EYA2: variants seen among roughly 807,000 people sequenced by gnomAD.
EYA2 encodes the protein EYA transcriptional coactivator and phosphatase 2, also known as protein phosphatase EYA2.
A neutral mutation model predicts 69.2 loss-of-function variants in EYA2; 31 were observed. The observed-to-expected ratio is 0.45, with a 90% CI of 0.34 to 0.60. EYA2 has a LOEUF of 0.60. Among genes scored for constraint, EYA2 ranks in the 20% least tolerant of loss-of-function variants. The pLI, the probability that EYA2 is intolerant of heterozygous loss-of-function variation, is 0.02. For synonymous variants in EYA2, 257 were observed against 279.4 expected, an observed-to-expected ratio of 0.92 and a Z score of 0.80; for missense variants, 622 against 701.2, an observed-to-expected ratio of 0.89 and a Z score of 1.28.
chr20:47,000,003 G>A (rs1057038307), intron 2 of EYA2, among the ~76,000 whole-genome samples: 1 of 152,208 alleles, frequency 6.6e-6, no homozygotes, highest in Non-Finnish European at 1.5e-5. Context: ...ATCGTCAGCT[G>A]TAGTGTCATG....
intron 9 of EYA2, among the ~76,000 whole-genome samples, chr20:47,105,624 C>CTAAA (rs2032553428): frequency 3.2e-4 from 42 of 131,118 alleles, no homozygotes; most frequent in Admixed American, 4.7e-4. Context: ...GACTCTGTCC[C>CTAAA]AAAAAAAAAA....
chr20:47,021,771 A>G (rs1317572630), intron 5 of EYA2, among the ~76,000 whole-genome samples: 1 of 152,100 alleles, frequency 6.6e-6, no homozygotes. Context: ...GAATCGTGCA[A>G]TTCAGGGATG....
intron 8 of EYA2, among the ~76,000 whole-genome samples, chr20:47,094,367 C>T (rs532963744): frequency 1.3e-5 from 2 of 152,318 alleles, no homozygotes; most frequent in African/African-American, 4.8e-5. Flanking sequence ...TTTACCATGA[C>T]CCGTAATAAG....
At chr20:47,027,766 G>A (rs779579165) in intron 5 of EYA2, among the ~76,000 whole-genome samples, 6 of 152,200 alleles carry the variant, frequency 3.9e-5, no homozygotes, top group Admixed American at 2.6e-4. Flanking sequence ...GCTGTGCAAC[G>A]TGATAGCCCC....
chr20:47,076,589 T>C lies in EYA2; in HGVS notation c.661+2254T>C, dbSNP rs138827803. On this transcript the variant is annotated intron_variant, in intron 7 of 15. Coordinates refer to ENST00000327619, the MANE Select transcript of EYA2 (RefSeq NM_005244.5). Reference sequence around the variant, plus strand: ...TTTGTTTCTGATGGCACAATAGTTTTAGGAAACCCTTTTGATTAGCCAAGA... The same window carrying C: ...TTTGTTTCTGATGGCACAATAGTTTCAGGAAACCCTTTTGATTAGCCAAGA... Among the ~76,000 whole-genome samples the C allele has an allele frequency of 2.7e-3, 412 of 152,360 alleles. 1 individual carries two copies. The highest frequency in any genetic ancestry group is 9.4e-3 in the African/African-American group (389 of 41,586).
At chr20:47,041,138 C>T (rs911240903) in intron 5 of EYA2, among the ~76,000 whole-genome samples, 2 of 152,298 alleles carry the variant, frequency 1.3e-5, no homozygotes, top group East Asian at 1.9e-4. Context: ...GAAGCAGTCC[C>T]GCCCCTGCGA....
At chr20:47,035,235 C>T (rs993257592) in intron 5 of EYA2, among the ~76,000 whole-genome samples, 10 of 152,174 alleles carry the variant, frequency 6.6e-5, no homozygotes, top group African/African-American at 2.2e-4. Flanking sequence ...GTCAAGGATC[C>T]TGCTGCTCAG....
chr20:47,185,075 A>G lies in EYA2; in HGVS notation c.1536+1684A>G, dbSNP rs1334656672. 4.6e-5 allele frequency among the ~76,000 whole-genome samples: 7 copies of G among 152,220 alleles called. No homozygotes were observed. In the South Asian group the frequency reaches 1.2e-3, roughly 27 times the overall value. On this transcript the variant is annotated intron_variant, in intron 15 of 15. Coordinates refer to ENST00000327619, the MANE Select transcript of EYA2 (RefSeq NM_005244.5). The stretch of plus-strand genomic sequence containing the variant: ...ACCGGAAATCTGAGCGGTGTAAAAT[A>G]TGGCCGCAGGACCAGGGGCCTTGAC...
intron 5 of EYA2, among the ~76,000 whole-genome samples, chr20:47,052,154 G>C (rs1364442689): frequency 6.6e-6 from 1 of 152,126 alleles, no homozygotes; most frequent in African/African-American, 2.4e-5. Context: ...TATTCCAGTG[G>C]GAATGTGATA....
intron 1 of EYA2, chr20:46,978,506 G>A (rs921598911): frequency 3.8e-6 from 2 of 521,078 alleles, no homozygotes; most frequent in Non-Finnish European, 4.0e-6. Context: ...AGGGAGTGTG[G>A]AGCGAGAGAA....
intron 4 of EYA2, among the ~76,000 whole-genome samples, chr20:47,009,972 C>T (rs1982957939): frequency 1.3e-5 from 2 of 152,238 alleles, no homozygotes; most frequent in South Asian, 4.1e-4. Flanking sequence ...ATACAAGTAG[C>T]TGTAGTTCAT....
chr20:46,960,246 A>G (rs1328383200), intron 1 of EYA2, among the ~76,000 whole-genome samples: 2 of 152,176 alleles, frequency 1.3e-5, no homozygotes, highest in African/African-American at 4.8e-5. Flanking sequence ...CACGGACACT[A>G]TTATTATCCC....
chr20:47,015,728 T>C (rs1320463344), intron 4 of EYA2, among the ~76,000 whole-genome samples: 1 of 152,152 alleles, frequency 6.6e-6, no homozygotes, highest in Non-Finnish European at 1.5e-5. Context: ...CCACTTTTGA[T>C]AGGGTCCTAG....
At chr20:47,138,272 C>A (rs1237520117) in intron 9 of EYA2, among the ~76,000 whole-genome samples, 1 of 152,050 alleles carries the variant, frequency 6.6e-6, no homozygotes, top group South Asian at 2.1e-4. Context: ...TAGTTTTTAT[C>A]GTGTTTTTTG....
intron 5 of EYA2, among the ~76,000 whole-genome samples, chr20:47,053,591 C>G (rs1297717023): frequency 4.7e-5 from 7 of 148,032 alleles, no homozygotes; most frequent in African/African-American, 1.8e-4. Flanking sequence ...CAACCGAGCC[C>G]AGGAAGTCAA....
At chr20:47,023,142 C>T (rs1343704083) in intron 5 of EYA2, among the ~76,000 whole-genome samples, 1 of 152,176 alleles carries the variant, frequency 6.6e-6, no homozygotes, top group Non-Finnish European at 1.5e-5. Context: ...ACATCCACCC[C>T]GTTTCCAAAC....
chr20:47,110,969 C>G (rs917421264), intron 9 of EYA2, among the ~76,000 whole-genome samples: 3 of 152,242 alleles, frequency 2.0e-5, no homozygotes, highest in Non-Finnish European at 4.4e-5. Flanking sequence ...ACATTGCATC[C>G]ATCCCCTCCT....
chr20:46,944,772 G>A (rs1231540396), intron 1 of EYA2, among the ~76,000 whole-genome samples: 1 of 152,198 alleles, frequency 6.6e-6, no homozygotes, highest in Non-Finnish European at 1.5e-5. Flanking sequence ...AAAAGGTGAA[G>A]ATGCTACATT....
At chr20:46,997,094 C>G (rs1982074170) in intron 2 of EYA2, among the ~76,000 whole-genome samples, 1 of 152,082 alleles carries the variant, frequency 6.6e-6, no homozygotes, top group Non-Finnish European at 1.5e-5. Context: ...AGAGGTTGTT[C>G]TGGGTGTGAA....
Sources: allele counts gnomAD v4.1 joint callset (sites outside exome capture counted in the v4.1 genomes callset), GRCh38; gene constraint gnomAD v4.1.1; transcripts MANE v1.5; gene names NCBI Gene and HGNC (gene_info 2026-07-23, HGNC 2026-07-21).